Variants in LNX1 observed in about 807,000 individuals in gnomAD.
The protein encoded by LNX1 is ligand of numb-protein X 1.
In LNX1, 54 loss-of-function variants were observed where a neutral mutation model predicts 68.4. The observed-to-expected ratio is 0.79, with a 90% CI of 0.63 to 0.99. The LOEUF is 0.99. Ranked by LOEUF, LNX1 falls within the 50% of genes least tolerant of loss-of-function variation. The probability of loss-of-function intolerance (pLI) is 0.00; values close to 1 mark genes in which losing one functional copy is unlikely to be tolerated. For synonymous variants in LNX1, 336 were observed against 350.0 expected, an observed-to-expected ratio of 0.96 and a Z score of 0.45; for missense variants, 906 against 926.4, an observed-to-expected ratio of 0.98 and a Z score of 0.29.
At position 53,574,080 on chromosome 4, in the gene LNX1, T is replaced by A; in HGVS notation, c.-78A>T. 1 of 1,512,504 alleles carries A rather than the reference T, an allele frequency of 6.6e-7. No individual in the cohort carries two copies. 93.7% of individuals were successfully genotyped at this position (1,512,504 alleles called of 1,614,324 possible). On this transcript the variant is annotated 5_prime_UTR_variant, in exon 2 of 11. It removes an upstream start codon present in the reference 5' UTR. Transcript: ENST00000263925. ...GGAGCAAGTCAAGATCTAGGAGACA[T>A]CCACACACCTAAAAAAGAACAAGAA...
At chr4:53,584,537 C>T (rs1323141195) in intron 1 of LNX1, among the ~76,000 whole-genome samples, 8 of 152,224 alleles carry the variant, frequency 5.3e-5, no homozygotes, top group East Asian at 1.9e-4. Context: ...ATGGGATAGA[C>T]GGTCCTTGGG....
At chr4:53,647,092 G>A (rs1734915375) in intron 1 of LNX1, among the ~76,000 whole-genome samples, 1 of 152,188 alleles carries the variant, frequency 6.6e-6, no homozygotes, top group Non-Finnish European at 1.5e-5. Flanking sequence ...TTAGGTGGAT[G>A]CTTCATCTGA....
Position 53,573,625 on chromosome 4 carries a change from G to A in LNX1, c.378C>T (p.Thr126=). The change falls in exon 2 of 11, where the codon ACC becomes ACT. Residue 126 remains threonine (T), a splice_region_variant and synonymous_variant. Transcript: ENST00000263925. ...CGGCTCGCTGATGGGGGACCTACCT[G>A]GTTTGAAAGTGATGCTCGAGGTCAC... ...QRCDLEHHFQ[T]SCKGASHYGL... is the part of the protein sequence containing the mutation. 1 of 1,599,116 alleles carries A rather than the reference G, an allele frequency of 6.3e-7. No individual in the cohort carries two copies. Among genetic ancestry groups the A allele is most frequent in the Non-Finnish European group, 8.5e-7 (1 of 1,173,196 alleles).
chr4:53,533,345 G>A (rs893760621), intron 2 of LNX1, among the ~76,000 whole-genome samples: 47 of 152,194 alleles, frequency 3.1e-4, no homozygotes, highest in African/African-American at 1.1e-3. Context: ...GAATCCCTAA[G>A]ACAGTCATTC....
chr4:53,580,873 A>G (rs1731791141), intron 1 of LNX1, among the ~76,000 whole-genome samples: 1 of 152,240 alleles, frequency 6.6e-6, no homozygotes, highest in Non-Finnish European at 1.5e-5. Context: ...AAAATGTACC[A>G]ACATAGTAAA....
At chr4:53,503,666 A>G (rs1432976403) in intron 4 of LNX1, among the ~76,000 whole-genome samples, 4 of 152,152 alleles carry the variant, frequency 2.6e-5, no homozygotes, top group Non-Finnish European at 5.9e-5. Flanking sequence ...GGGTCCTAGG[A>G]TTTTTGAAAT....
In LNX1 at chr4:53,460,828, A is replaced by AACTG. The variant is rs1258799102; in HGVS notation, c.*75_*78dup. ...AATGTATTCTTTCTTTAAATATAAA[A>AACTG]ACTGACAAGATAAATATAGTGTTTC... is the stretch of plus-strand genomic sequence containing the variant. On this transcript the variant is annotated 3_prime_UTR_variant, in exon 11 of 11. Coordinates refer to ENST00000263925, the MANE Select transcript of LNX1 (RefSeq NM_001126328.3). 3.0e-6 allele frequency: 4 copies of AACTG among 1,317,978 alleles called. No individual in the cohort carries two copies. The highest frequency in any genetic ancestry group is 5.0e-5 in the East Asian group (2 of 39,900). The allele number at this position is 1,317,978 out of a possible 1,614,324, so 81.6% of individuals were successfully genotyped here. A position where few individuals can be genotyped will look rare whatever the true frequency, so the allele number is the denominator to read the frequency against.
rs538927560 is a variant in LNX1 at position 53,531,164 on chromosome 4, G to C, written c.381-22937C>G. On this transcript the variant is annotated intron_variant, in intron 2 of 10. Transcript: ENST00000263925. ...TTAGTCTCATACTTTCTTGCTTCCA[G>C]TAAGTTAAACTCAGCTGAGAGGTTT... 2.0e-5 allele frequency among the ~76,000 whole-genome samples: 3 copies of C among 152,254 alleles called. No homozygotes were observed. The South Asian group carries it at 6.2e-4, about 32-fold the overall frequency.
intron 4 of LNX1, among the ~76,000 whole-genome samples, chr4:53,503,094 A>G (rs1725623695): frequency 6.6e-6 from 1 of 152,142 alleles, no homozygotes; most frequent in Non-Finnish European, 1.5e-5. Context: ...TTCTAATTCT[A>G]GTTCTCTTGC....
intron 1 of LNX1, among the ~76,000 whole-genome samples, chr4:53,639,939 AC>A (rs1274874610): frequency 1.3e-5 from 2 of 152,202 alleles, no homozygotes; most frequent in Non-Finnish European, 2.9e-5. Flanking sequence ...AGGCTGAGGC[AC>A]AAAAATTGCT....
At chr4:53,519,272 A>C (rs1405137383) in intron 2 of LNX1, among the ~76,000 whole-genome samples, 1 of 152,106 alleles carries the variant, frequency 6.6e-6, no homozygotes, top group Non-Finnish European at 1.5e-5. Flanking sequence ...TAGTCCAGGC[A>C]CTCATATATT....
intron 7 of LNX1, among the ~76,000 whole-genome samples, chr4:53,479,456 A>T (rs1183887328): frequency 6.6e-6 from 1 of 152,344 alleles, no homozygotes; most frequent in Admixed American, 6.5e-5. Flanking sequence ...AAATACCACA[A>T]ATATGGCATG....
At chr4:53,469,403 T>C (rs1316898749) in intron 9 of LNX1, among the ~76,000 whole-genome samples, 1 of 151,984 alleles carries the variant, frequency 6.6e-6, no homozygotes, top group African/African-American at 2.4e-5. Context: ...GATCTAAAAT[T>C]GACACCCTAA....
intron 2 of LNX1, among the ~76,000 whole-genome samples, chr4:53,568,893 G>C (rs947262963): frequency 1.3e-4 from 20 of 152,168 alleles, no homozygotes; most frequent in Non-Finnish European, 2.2e-4. Flanking sequence ...GCCAAATCAT[G>C]AGTGAACTCC....
chr4:53,533,088 T>A (rs1181619915), intron 2 of LNX1, among the ~76,000 whole-genome samples: 1 of 152,194 alleles, frequency 6.6e-6, no homozygotes, highest in Non-Finnish European at 1.5e-5. Flanking sequence ...TATCAACACA[T>A]GGCATAATTG....
chr4:53,637,046 C>T (rs567386074), intron 1 of LNX1, among the ~76,000 whole-genome samples: 1 of 149,906 alleles, frequency 6.7e-6, no homozygotes, highest in Non-Finnish European at 1.5e-5. Flanking sequence ...ACTGAATTAC[C>T]GCCTCAATTG....
At chr4:53,579,539 C>T (rs1560678524) in intron 1 of LNX1, among the ~76,000 whole-genome samples, 2 of 152,128 alleles carry the variant, frequency 1.3e-5, no homozygotes, top group Non-Finnish European at 2.9e-5. Flanking sequence ...TTTTGAACTT[C>T]CTGGATGACA....
At chr4:53,610,799 A>C (rs536756264) in intron 2 of LNX1, among the ~76,000 whole-genome samples, 1 of 151,750 alleles carries the variant, frequency 6.6e-6, no homozygotes, top group Non-Finnish European at 1.5e-5. Flanking sequence ...TAAAGGCAAA[A>C]GCTTAAATTA....
intron 2 of LNX1, among the ~76,000 whole-genome samples, chr4:53,604,428 G>A (rs1471528748): frequency 1.3e-5 from 2 of 152,204 alleles, no homozygotes; most frequent in African/African-American, 4.8e-5. Flanking sequence ...AGACTTAAAA[G>A]CCAGTTGGAT....
Sources: allele counts gnomAD v4.1 joint callset (sites outside exome capture counted in the v4.1 genomes callset), GRCh38; gene constraint gnomAD v4.1.1; transcripts MANE v1.5; gene names NCBI Gene and HGNC (gene_info 2026-07-23, HGNC 2026-07-21).